The following SRGAP3 variants were observed in gnomAD, a reference collection of about 807,000 sequenced individuals.
The protein encoded by SRGAP3 is SLIT-ROBO Rho GTPase-activating protein 3.
SRGAP3 carries 39 observed loss-of-function variants against 121.1 expected under a neutral mutation model. The observed-to-expected ratio is 0.32, with a 90% CI of 0.25 to 0.42. The LOEUF (loss-of-function observed/expected upper bound fraction) is 0.42, where lower values mean the gene tolerates loss of function less well. Among genes scored for constraint, SRGAP3 ranks in the 10% least tolerant of loss-of-function variants. The probability of loss-of-function intolerance (pLI) is 1.00; values close to 1 mark genes in which losing one functional copy is unlikely to be tolerated. For missense variants in SRGAP3, 1,213 were observed against 1,470.6 expected, an observed-to-expected ratio of 0.82 and a Z score of 2.86; for synonymous variants, 601 against 570.0, an observed-to-expected ratio of 1.05 and a Z score of -0.77.
chr3:9,214,361 C>G (rs1952547660), intron 1 of SRGAP3, among the ~76,000 whole-genome samples: 1 of 152,116 alleles, frequency 6.6e-6, no homozygotes, highest in Non-Finnish European at 1.5e-5. Flanking sequence ...GATGAGGAAG[C>G]AGTGATTCAG....
At chr3:9,205,356 G>A (rs577252627) in intron 1 of SRGAP3, among the ~76,000 whole-genome samples, 19 of 152,062 alleles carry the variant, frequency 1.2e-4, no homozygotes, top group East Asian at 5.8e-4. Flanking sequence ...AGAATCCATC[G>A]TGGATTTTGC....
chr3:9,025,188 G>GC, intron 14 of SRGAP3, 73 bp downstream of exon 14: 1 of 1,521,968 alleles, frequency 6.6e-7, no homozygotes, highest in Non-Finnish European at 9.1e-7. Context: ...CACACCACTG[G>GC]CTCTGAGACA....
rs1274510219 is a variant in SRGAP3 at position 9,331,219 on chromosome 3, TTAGC to T, written n.215-627_215-624del. ...AAAATAAGAAAATTTAAAAGTAAAA[TTAGC>T]TATCATTCATTTGAATACCTACCAC... On this transcript the variant is annotated intron_variant and non_coding_transcript_variant, in intron 1 of 3. Coordinates refer to the SRGAP3 transcript ENST00000490889. Among the ~76,000 whole-genome samples, 15 of 152,316 alleles carry T rather than the reference TTAGC, an allele frequency of 9.8e-5. No homozygotes were observed. The East Asian group carries it at 1.7e-3, about 18-fold the overall frequency.
intron 1 of SRGAP3, among the ~76,000 whole-genome samples, chr3:9,213,703 C>G (rs1452463535): frequency 6.6e-6 from 1 of 152,246 alleles, no homozygotes; most frequent in Non-Finnish European, 1.5e-5. Context: ...AAAATACGAA[C>G]TCTTAACAGG....
intron 1 of SRGAP3, among the ~76,000 whole-genome samples, chr3:9,232,638 ACAG>A (rs1454704652): frequency 1.3e-5 from 2 of 152,214 alleles, no homozygotes; most frequent in Non-Finnish European, 2.9e-5. Flanking sequence ...AAAAAGATAC[ACAG>A]CCAAACTGGT....
intron 4 of SRGAP3, among the ~76,000 whole-genome samples, chr3:9,074,529 A>G (rs1387833751): frequency 2.0e-5 from 3 of 152,198 alleles, no homozygotes; most frequent in Admixed American, 2.0e-4. Flanking sequence ...GTCAACTTAA[A>G]GAAAAATATT....
In SRGAP3 at chr3:9,288,130, GT is replaced by G. The variant is rs57076828; in HGVS notation, n.442+37879del. ...TATTGAATTGTTTCATTCTATCTTT[GT>G]TTTTTTTTTTTTTTTTTCTTTGGAG... On this transcript the variant is annotated intron_variant and non_coding_transcript_variant, in intron 3 of 3. Transcript: ENST00000490889. Among the ~76,000 whole-genome samples the G allele has an allele frequency of 8.9e-3, 1,061 of 119,056 alleles. 4 individuals are homozygous for G. The highest frequency in any genetic ancestry group is 0.024 in the Middle Eastern group (5 of 210). 78.1% of individuals were successfully genotyped at this position (119,056 alleles called of 152,430 possible). A position where few individuals can be genotyped will look rare whatever the true frequency, so the allele number is the denominator to read the frequency against.
Position 8,982,398 on chromosome 3 carries a change from C to A in SRGAP3, c.*3121G>T, listed in dbSNP as rs1173453940. ...GTACAATTGGTTATATTGAAGACTA[C>A]TAACTAGGTTACTACATTTCCCCCA... is the stretch of plus-strand genomic sequence containing the variant. On this transcript the variant is annotated 3_prime_UTR_variant, in exon 22 of 22. Transcript: ENST00000383836. The A allele has an allele frequency of 4.4e-6, 1 of 224,978 alleles. No homozygotes were observed. The highest frequency in any genetic ancestry group is 8.9e-6 in the Non-Finnish European group (1 of 112,658). The allele number at this position is 224,978 out of a possible 1,614,324, so 13.9% of individuals were successfully genotyped here.
At chr3:9,235,038 C>A (rs1046059548) in intron 1 of SRGAP3, among the ~76,000 whole-genome samples, 1 of 149,652 alleles carries the variant, frequency 6.7e-6, no homozygotes, top group African/African-American at 2.6e-5. Context: ...TAGCTCAGTT[C>A]CCCCCAGTTT....
intron 1 of SRGAP3, among the ~76,000 whole-genome samples, chr3:9,151,858 A>T (rs1257044653): frequency 1.3e-5 from 2 of 152,206 alleles, no homozygotes; most frequent in Non-Finnish European, 2.9e-5. Context: ...AGGGTCAGAG[A>T]TAAGCAGAAG....
At position 8,981,923 on chromosome 3, in the gene SRGAP3, C is replaced by T. The variant is rs1177297044; in HGVS notation, c.*3596G>A. On this transcript the variant is annotated 3_prime_UTR_variant, in exon 22 of 22. Transcript: ENST00000383836. ...ATTCCCTCCGATTGTGCACTCTGTC[C>T]GGGGTTCAAAAGGCGCTTCGAGGTG... 6 of 226,952 alleles carry T rather than the reference C, an allele frequency of 2.6e-5. No homozygotes were observed. In the East Asian group the frequency reaches 3.8e-4, roughly 14 times the overall value. 14.1% of individuals were successfully genotyped at this position (226,952 alleles called of 1,614,324 possible).
At chr3:9,152,956 C>A (rs1287102714) in intron 1 of SRGAP3, among the ~76,000 whole-genome samples, 2 of 152,234 alleles carry the variant, frequency 1.3e-5, no homozygotes, top group African/African-American at 4.8e-5. Flanking sequence ...AGCTCAGCTT[C>A]TCGCTCTGCC....
At chr3:9,340,203 C>T (rs541198553) in intron 1 of SRGAP3, among the ~76,000 whole-genome samples, 85 of 152,296 alleles carry the variant, frequency 5.6e-4, no homozygotes, top group African/African-American at 1.9e-3. Flanking sequence ...CTACTGCTTC[C>T]TTTGTCTCTG....
intron 20 of SRGAP3, 37 bp downstream of exon 20, chr3:8,992,869 G>C: frequency 1.2e-6 from 2 of 1,613,972 alleles, no homozygotes; most frequent in Non-Finnish European, 1.7e-6. Context: ...GAACAGGATT[G>C]ACACCAGCAG....
intron 3 of SRGAP3, among the ~76,000 whole-genome samples, chr3:9,267,290 C>T (rs1954384849): frequency 6.6e-6 from 1 of 151,986 alleles, no homozygotes; most frequent in Non-Finnish European, 1.5e-5. Context: ...CCAGGATTGG[C>T]TGGGAAAACA....
At chr3:9,133,238 T>C (rs957400799) in intron 1 of SRGAP3, among the ~76,000 whole-genome samples, 3 of 152,020 alleles carry the variant, frequency 2.0e-5, no homozygotes, top group Non-Finnish European at 4.4e-5. Context: ...TCCCAACACT[T>C]TGGGAGGCCG....
intron 1 of SRGAP3, among the ~76,000 whole-genome samples, chr3:9,157,512 A>G (rs1950457873): frequency 6.6e-6 from 1 of 152,226 alleles, no homozygotes; most frequent in Non-Finnish European, 1.5e-5. Context: ...ACTATACACT[A>G]GGTACTGTCT....
intron 10 of SRGAP3, 30 bp downstream of exon 10, chr3:9,047,361 C>G: frequency 6.2e-7 from 1 of 1,611,930 alleles, no homozygotes; most frequent in Non-Finnish European, 8.5e-7. Context: ...AACGCAGCAC[C>G]TCCCAGAGGG....
At chr3:9,105,772 T>A (rs1948399469) in intron 2 of SRGAP3, among the ~76,000 whole-genome samples, 1 of 152,220 alleles carries the variant, frequency 6.6e-6, no homozygotes, top group Non-Finnish European at 1.5e-5. Flanking sequence ...CAGATGCTCC[T>A]CAACTTACTA....
Sources: gnomAD v4.1 joint callset for allele counts (sites outside exome capture counted in the v4.1 genomes callset) on GRCh38, gnomAD v4.1.1 for gene constraint, MANE v1.5 for transcripts, NCBI Gene and HGNC (gene_info 2026-07-23, HGNC 2026-07-21) for gene names.